NPAS3: variants seen among roughly 807,000 people sequenced by gnomAD.
NPAS3 encodes neuronal PAS domain protein 3, also known as neuronal PAS domain-containing protein 3.
NPAS3 carries 14 observed loss-of-function variants against 73.1 expected under a neutral mutation model. The ratio of observed to expected loss-of-function variants is 0.19; its 90% CI spans 0.13 to 0.30. NPAS3 has a LOEUF of 0.30. Among genes scored for constraint, NPAS3 ranks in the 10% least tolerant of loss-of-function variants. NPAS3 has a pLI of 1.00. For missense variants in NPAS3, 1,096 were observed against 1,250.0 expected, an observed-to-expected ratio of 0.88 and a Z score of 1.86; for synonymous variants, 620 against 541.5, an observed-to-expected ratio of 1.14 and a Z score of -2.01.
intron 4 of NPAS3, among the ~76,000 whole-genome samples, chr14:33,451,363 G>A (rs946600776): frequency 6.6e-6 from 1 of 152,170 alleles, no homozygotes; most frequent in Non-Finnish European, 1.5e-5. Context: ...CCACTTCTGA[G>A]TCATGTGACC....
At chr14:33,115,325 G>A (rs1206586137) in intron 2 of NPAS3, among the ~76,000 whole-genome samples, 2 of 152,100 alleles carry the variant, frequency 1.3e-5, no homozygotes, top group Non-Finnish European at 2.9e-5. Context: ...GAAGGAGGTA[G>A]GTGCAGTGAA....
At chr14:32,998,483 G>GC (rs2038675961) in intron 1 of NPAS3, among the ~76,000 whole-genome samples, 2 of 152,110 alleles carry the variant, frequency 1.3e-5, no homozygotes, top group Non-Finnish European at 2.9e-5. Flanking sequence ...TTCAGTAAAT[G>GC]CCACTGAATT....
intron 3 of NPAS3, among the ~76,000 whole-genome samples, chr14:33,366,084 A>G (rs560935695): frequency 9.8e-5 from 15 of 152,326 alleles, no homozygotes; most frequent in Admixed American, 4.6e-4. Flanking sequence ...TTAATAAATC[A>G]GTGTAAAGCA....
At chr14:33,467,681 C>G (rs1170758612) in intron 4 of NPAS3, among the ~76,000 whole-genome samples, 1 of 152,158 alleles carries the variant, frequency 6.6e-6, no homozygotes, top group Non-Finnish European at 1.5e-5. Context: ...CGGCAGTGCC[C>G]TTTGTATGCT....
chr14:33,241,397 TAGA>T (rs745768969), intron 3 of NPAS3, among the ~76,000 whole-genome samples: 2 of 151,984 alleles, frequency 1.3e-5, no homozygotes, highest in Non-Finnish European at 2.9e-5. Context: ...GTAGCTGTCT[TAGA>T]AGAGAGCATG....
At chr14:32,950,180 G>C (rs1025866262) in intron 1 of NPAS3, among the ~76,000 whole-genome samples, 3 of 151,964 alleles carry the variant, frequency 2.0e-5, no homozygotes, top group Non-Finnish European at 4.4e-5. Flanking sequence ...TCTCAACACA[G>C]TGGGTAGTTC....
intron 4 of NPAS3, among the ~76,000 whole-genome samples, chr14:33,543,991 A>ATATATATATATC (rs1459438852): frequency 2.6e-5 from 1 of 38,056 alleles, no homozygotes; most frequent in Non-Finnish European, 4.4e-5. Flanking sequence ...ATATATATAT[A>ATATATATATATC]TATATATATA....
intron 4 of NPAS3, among the ~76,000 whole-genome samples, chr14:33,381,000 C>A (rs1348176724): frequency 7.0e-6 from 1 of 142,050 alleles, no homozygotes; most frequent in African/African-American, 2.6e-5. Context: ...ACAGAAAATT[C>A]TTTTTTTTTT....
chr14:33,650,295 G>C (rs1297209489), intron 5 of NPAS3, among the ~76,000 whole-genome samples: 2 of 152,184 alleles, frequency 1.3e-5, no homozygotes, highest in Non-Finnish European at 2.9e-5. Flanking sequence ...TAGAATTATT[G>C]CTGCACAGAC....
chr14:32,967,922 TG>T (rs2037252649), intron 1 of NPAS3, among the ~76,000 whole-genome samples: 1 of 55,588 alleles, frequency 1.8e-5, no homozygotes, highest in Admixed American at 2.1e-4. Flanking sequence ...AGTGTGTGTG[TG>T]TGTCATTTGT....
At chr14:33,606,161 T>C (rs549930856) in intron 5 of NPAS3, among the ~76,000 whole-genome samples, 14 of 151,696 alleles carry the variant, frequency 9.2e-5, no homozygotes, top group Non-Finnish European at 1.8e-4. Context: ...CATGCTGGTG[T>C]GCTGCACCCA....
chr14:33,605,319 G>A (rs150972289), intron 5 of NPAS3, among the ~76,000 whole-genome samples: 50 of 150,124 alleles, frequency 3.3e-4, no homozygotes, highest in African/African-American at 1.0e-3. Context: ...TGCTCTTGCC[G>A]CTTTAATGTG....
chr14:33,586,771 A>C (rs1371055281), intron 5 of NPAS3, among the ~76,000 whole-genome samples: 1 of 152,204 alleles, frequency 6.6e-6, no homozygotes, highest in Non-Finnish European at 1.5e-5. Flanking sequence ...TTTATTTGGC[A>C]TTGCTGGGCC....
intron 7 of NPAS3, among the ~76,000 whole-genome samples, chr14:33,752,808 G>A (rs948999820): frequency 1.3e-5 from 2 of 152,090 alleles, no homozygotes; most frequent in East Asian, 1.9e-4. Flanking sequence ...TGGGGAGGAC[G>A]GCCTACCATC....
intron 2 of NPAS3, among the ~76,000 whole-genome samples, chr14:33,139,437 A>G (rs1204953335): frequency 1.3e-5 from 2 of 152,220 alleles, no homozygotes; most frequent in African/African-American, 4.8e-5. Context: ...ATTAATTTTA[A>G]CTTGCCAACA....
chr14:33,123,857 CTTTCTT>C (rs1459014988), intron 2 of NPAS3, among the ~76,000 whole-genome samples: 10 of 101,050 alleles, frequency 9.9e-5, no homozygotes, highest in Non-Finnish European at 1.3e-4. Flanking sequence ...TTCTTTCTTT[CTTTCTT>C]TTTTTTTTTT....
chr14:33,789,527 A>C (rs1026686866), intron 9 of NPAS3, among the ~76,000 whole-genome samples: 2 of 151,342 alleles, frequency 1.3e-5, no homozygotes, highest in Admixed American at 6.6e-5. Context: ...AAATCTAAGA[A>C]GAGGTCATTT....
intron 4 of NPAS3, among the ~76,000 whole-genome samples, chr14:33,395,567 TATAC>T (rs533735796): frequency 2.4e-4 from 37 of 152,238 alleles, no homozygotes; most frequent in African/African-American, 8.4e-4. Context: ...TATATGCGTG[TATAC>T]ATACATACAT....
intron 1 of NPAS3, among the ~76,000 whole-genome samples, chr14:32,987,423 G>GA (rs960570083): frequency 1.3e-5 from 2 of 151,732 alleles, no homozygotes; most frequent in Non-Finnish European, 2.9e-5. Context: ...TCAGCTGCTT[G>GA]AAAAAAATGT....
Sources: allele counts gnomAD v4.1 joint callset (sites outside exome capture counted in the v4.1 genomes callset), GRCh38; gene constraint gnomAD v4.1.1; transcripts MANE v1.5; gene names NCBI Gene and HGNC (gene_info 2026-07-23, HGNC 2026-07-21).